Variants in PEX1 observed in about 807,000 individuals in gnomAD.
PEX1 encodes peroxisomal biogenesis factor 1, also known as peroxisomal ATPase PEX1.
PEX1 carries 97 observed loss-of-function variants against 152.5 expected under a neutral mutation model. That is an observed-to-expected ratio of 0.64 (90% CI 0.54 to 0.75). The LOEUF (loss-of-function observed/expected upper bound fraction) is 0.75. Among genes scored for constraint, PEX1 ranks in the 30% least tolerant of loss-of-function variants. The pLI is 0.00. For synonymous variants in PEX1, 485 were observed against 531.6 expected (o/e 0.91, Z 1.21); for missense variants, 1,357 against 1,516.3 (o/e 0.89, Z 1.74).
Position 92,522,239 on chromosome 7 carries a change from C to G in PEX1, c.136G>C (p.Ala46Pro). The G allele has an allele frequency of 6.2e-7, 1 of 1,613,912 alleles. No homozygotes were observed. ...VAQLHLLQNQAIEVVWSHQPA... is the reference protein window; with the variant it reads ...VAQLHLLQNQPIEVVWSHQPA... ...TGGTGACTCCAGACCACTTCTATAG[C>G]TTGATTCTATTCATATAAGAAATGA... The change falls in exon 2 of 24, where the codon GCT becomes CCT. Residue 46 changes from alanine to proline, a missense_variant. By Grantham distance (27) the Ala-to-Pro change is conservative. Coordinates refer to ENST00000248633, the MANE Select transcript of PEX1 (RefSeq NM_000466.3).
intron 9 of PEX1, among the ~76,000 whole-genome samples, chr7:92,508,257 G>T (rs557831413): frequency 5.3e-5 from 8 of 152,090 alleles, no homozygotes; most frequent in Non-Finnish European, 8.8e-5. Context: ...AGTCTGAAGA[G>T]ATTTTACTTT....
intron 15 of PEX1, 60 bp from the exon 16 acceptor site, chr7:92,499,898 T>C: frequency 7.2e-7 from 1 of 1,393,548 alleles, no homozygotes; most frequent in East Asian, 2.3e-5. Context: ...AATGACTAAG[T>C]AGCAGCTAAA....
intron 2 of PEX1, among the ~76,000 whole-genome samples, chr7:92,520,297 C>G (rs1309490725): frequency 2.0e-5 from 3 of 152,066 alleles, no homozygotes; most frequent in Admixed American, 2.0e-4. Context: ...GAACAAAGCA[C>G]CAAAGTTAAT....
In PEX1 at chr7:92,528,444, A is replaced by G. The variant is rs894132339; in HGVS notation, c.-9T>C. The G allele has an allele frequency of 6.3e-7, 1 of 1,579,292 alleles. No individual in the cohort carries two copies. On this transcript the variant is annotated 5_prime_UTR_variant, in exon 1 of 24. Coordinates refer to ENST00000248633, the MANE Select transcript of PEX1 (RefSeq NM_000466.3). ...CGATCGCTGCCCCACATCGTCCCGG[A>G]GCGTCGCTCTGGGTTCGCCCACCCT...
At chr7:92,492,758 A>G (rs1250933878) in intron 20 of PEX1, among the ~76,000 whole-genome samples, 195 bp downstream of exon 20, 1 of 152,250 alleles carries the variant, frequency 6.6e-6, no homozygotes, top group Non-Finnish European at 1.5e-5. Context: ...AGAAACAGAC[A>G]TCAAACTTCA....
At chr7:92,519,464 G>T (rs1792957862) in intron 2 of PEX1, among the ~76,000 whole-genome samples, 1 of 152,018 alleles carries the variant, frequency 6.6e-6, no homozygotes, top group African/African-American at 2.4e-5. Context: ...AGCATTTTAG[G>T]AAAAACTGTT....
rs746237930 is a variant in PEX1 at position 92,503,163 on chromosome 7, T to C, written c.2104A>G (p.Met702Val). The change falls in exon 13 of 24, where the codon ATG (methionine) becomes GTG (valine). Residue 702 changes from methionine (M) to valine (V), a missense_variant. Physicochemically the swap from Met to Val is conservative, Grantham distance 21. Transcript: ENST00000248633. Reference protein sequence around the residue: ...LNDMIKEFISMGSLVALIATS... With the variant: ...LNDMIKEFISVGSLVALIATS... ...GCAATCAGTGCAACCAAACTTCCCA[T>C]GGAGATAAACTCTTTTATCATATCA... 5 of 1,613,832 alleles carry C rather than the reference T, an allele frequency of 3.1e-6. No homozygotes were observed. Among genetic ancestry groups the C allele is most frequent in the Non-Finnish European group, 4.2e-6 (5 of 1,179,828 alleles).
At chr7:92,516,366 G>C (rs1309162205) in intron 5 of PEX1, among the ~76,000 whole-genome samples, 2 of 151,936 alleles carry the variant, frequency 1.3e-5, no homozygotes, top group Non-Finnish European at 2.9e-5. Flanking sequence ...GGCGGAGGTT[G>C]CAGTGAGCCA....
chr7:92,488,797 A>T (rs1791088715), intron 23 of PEX1, among the ~76,000 whole-genome samples: 1 of 150,498 alleles, frequency 6.6e-6, no homozygotes, highest in Non-Finnish European at 1.5e-5. Flanking sequence ...GCAGTGGTGC[A>T]ATCTCGGCTC....
At chr7:92,512,882 C>G (rs1473647753) in intron 6 of PEX1, among the ~76,000 whole-genome samples, 3 of 152,116 alleles carry the variant, frequency 2.0e-5, no homozygotes, top group African/African-American at 4.8e-5. Context: ...CCTCCCACCT[C>G]AGCTTCCCAA....
chr7:92,519,716 G>A (rs1382613980), intron 2 of PEX1, among the ~76,000 whole-genome samples: 4 of 152,092 alleles, frequency 2.6e-5, no homozygotes, highest in Admixed American at 1.3e-4. Flanking sequence ...CAAATATTGA[G>A]AAGTATAATC....
chr7:92,526,160 C>T (rs1011598108), intron 1 of PEX1, among the ~76,000 whole-genome samples: 2 of 152,192 alleles, frequency 1.3e-5, no homozygotes, highest in African/African-American at 4.8e-5. Context: ...AGGTCTCTAT[C>T]GTCATTAAAA....
At chr7:92,528,253 C>G in intron 1 of PEX1, 54 bp downstream of exon 1, 1 of 1,542,974 alleles carries the variant, frequency 6.5e-7, no homozygotes, top group Non-Finnish European at 8.7e-7. Context: ...TGAGAGGCTT[C>G]GGCCTCGTCC....
intron 1 of PEX1, among the ~76,000 whole-genome samples, chr7:92,526,939 C>G (rs1422593667): frequency 6.6e-6 from 1 of 152,014 alleles, no homozygotes; most frequent in East Asian, 1.9e-4. Flanking sequence ...AACATAAATT[C>G]TATAAATTTA....
In PEX1 at chr7:92,509,981, T is replaced by C. The variant is rs533649779; in HGVS notation, c.1588-570A>G. ...CAACATGGTGAAATCTCGTCTCTAC[T>C]AAAACTACAAAAAATAGCAGGGCAT... On this transcript the variant is annotated intron_variant, in intron 8 of 23. Coordinates refer to ENST00000248633, the MANE Select transcript of PEX1 (RefSeq NM_000466.3). Among the ~76,000 whole-genome samples, 5 of 151,970 alleles carry C rather than the reference T, an allele frequency of 3.3e-5. No homozygotes were observed. The South Asian group carries it at 1.0e-3, about 32-fold the overall frequency.
At chr7:92,498,510 CAAAT>C (rs770183112) in intron 16 of PEX1, among the ~76,000 whole-genome samples, 32 of 152,192 alleles carry the variant, frequency 2.1e-4, no homozygotes, top group African/African-American at 2.6e-4. Context: ...AATACAGAAA[CAAAT>C]AAATAAATTA....
chr7:92,520,544 C>T (rs903567479), intron 2 of PEX1, among the ~76,000 whole-genome samples: 2 of 152,282 alleles, frequency 1.3e-5, no homozygotes, highest in South Asian at 2.1e-4. Flanking sequence ...AAGTTTTAAA[C>T]GTATAGCACC....
In PEX1 at chr7:92,522,123, A is replaced by G. The variant is rs774698687; in HGVS notation, c.252T>C (p.Leu84=). Residue 84 remains leucine, a synonymous_variant, in exon 2 of 24, where the codon CTT becomes CTC. Coordinates refer to ENST00000248633, the MANE Select transcript of PEX1 (RefSeq NM_000466.3). ...AEINRQVGQK[L]GLSNGGQVFL... is the part of the protein sequence containing the mutation. ...TTACCTGTCCCCCATTTGAGAGTCC[A>G]AGTTTTTGACCAACTTGTCTGTTAA... 16 of 1,614,020 alleles carry G rather than the reference A, an allele frequency of 9.9e-6. No homozygotes were observed. In the South Asian group the frequency reaches 1.6e-4, roughly 17 times the overall value.
In PEX1 at chr7:92,496,644, C is replaced by T. The variant is rs149957522; in HGVS notation, c.2783+69G>A. On this transcript the variant is annotated intron_variant, in intron 17 of 23. Coordinates refer to ENST00000248633, the MANE Select transcript of PEX1 (RefSeq NM_000466.3). ...AATATCAGTTCTTCAAAAAACAAGA[C>T]CAAAAAAAGCACTGATTGATAAATA... 6 of 1,044,126 alleles carry T rather than the reference C, an allele frequency of 5.7e-6. No homozygotes were observed. The African/African-American group carries it at 9.4e-5, about 16-fold the overall frequency. The allele number at this position is 1,044,126 out of a possible 1,614,324, so 64.7% of individuals were successfully genotyped here.
Sources: allele counts gnomAD v4.1 joint callset (sites outside exome capture counted in the v4.1 genomes callset), GRCh38; gene constraint gnomAD v4.1.1; transcripts MANE v1.5; gene names NCBI Gene and HGNC (gene_info 2026-07-23, HGNC 2026-07-21).